FBXO6: variants seen among roughly 807,000 people sequenced by gnomAD.
FBXO6 encodes F-box only protein 6.
In FBXO6, 13 loss-of-function variants were observed where a neutral mutation model predicts 25.0. The ratio of observed to expected loss-of-function variants is 0.52; its 90% CI spans 0.34 to 0.83. FBXO6 has a LOEUF of 0.83. Among genes scored for constraint, FBXO6 ranks in the 40% least tolerant of loss-of-function variants. The pLI, the probability that FBXO6 is intolerant of heterozygous loss-of-function variation, is 0.02. For missense variants in FBXO6, 370 were observed against 380.2 expected, an observed-to-expected ratio of 0.97 and a Z score of 0.22; for synonymous variants, 138 against 155.3, an observed-to-expected ratio of 0.89 and a Z score of 0.83.
In FBXO6 at chr1:11,671,234, G is replaced by A. The variant is rs1422502602; in HGVS notation, c.287-32G>A. The A allele has an allele frequency of 3.1e-6, 5 of 1,606,908 alleles. No homozygotes were observed. In the South Asian group the frequency reaches 4.4e-5, roughly 14 times the overall value. ...GAGGGCTGGACTTTGGATTTACACA[G>A]GGGGTCTCACCTTGGCTTCTGTTCT... On this transcript the variant is annotated intron_variant, in intron 2 of 5. Transcript: ENST00000376753.
In FBXO6 at chr1:11,674,109, C is replaced by T; in HGVS notation, c.*258C>T. On this transcript the variant is annotated 3_prime_UTR_variant, in exon 6 of 6. Transcript: ENST00000376753. The surrounding 1 kb of genome is among the most constrained non-coding windows in gnomAD (Gnocchi z 6.1). ...CACGAGGTCAGGAGATAGAGACCAT[C>T]CTGGCCAACACGGTGAAACCCTGTC... 4.6e-6 allele frequency: 2 copies of T among 430,768 alleles called. No homozygotes were observed. Among genetic ancestry groups the T allele is most frequent in the Non-Finnish European group, 4.4e-6 (1 of 229,466 alleles). The allele number at this position is 430,768 out of a possible 1,614,324, so 26.7% of individuals were successfully genotyped here.
intron 3 of FBXO6, 98 bp from the exon 4 acceptor site, chr1:11,671,830 C>A: frequency 2.7e-6 from 3 of 1,122,344 alleles, no homozygotes; most frequent in Non-Finnish European, 4.0e-6. Flanking sequence ...GGTCCCCAAA[C>A]CACCTCCCTG....
Position 11,671,249 on chromosome 1 carries a change from G to C in FBXO6, c.287-17G>C. On this transcript the variant is annotated splice_polypyrimidine_tract_variant and intron_variant, in intron 2 of 5. Coordinates refer to ENST00000376753, the MANE Select transcript of FBXO6 (RefSeq NM_018438.6). ...GATTTACACAGGGGGTCTCACCTTG[G>C]CTTCTGTTCTTCCTAGAGGATATGT... is the stretch of plus-strand genomic sequence containing the variant. 1 of 1,611,844 alleles carries C rather than the reference G, an allele frequency of 6.2e-7. No individual in the cohort carries two copies. The highest frequency in any genetic ancestry group is 8.5e-7 in the Non-Finnish European group (1 of 1,178,502).
At chr1:11,666,936 CAGG>C (rs1570269066) in intron 1 of FBXO6, among the ~76,000 whole-genome samples, 1 of 152,082 alleles carries the variant, frequency 6.6e-6, no homozygotes, top group African/African-American at 2.4e-5. Context: ...CACCTGAGGT[CAGG>C]AGTTCAAAAC....
In FBXO6 at chr1:11,671,012, AG is replaced by A. The variant is rs1640602312; in HGVS notation, c.287-250del. Among the ~76,000 whole-genome samples, 9 of 152,190 alleles carry A rather than the reference AG, an allele frequency of 5.9e-5. No individual in the cohort carries two copies. The South Asian group carries it at 1.9e-3, about 32-fold the overall frequency. On this transcript the variant is annotated intron_variant, in intron 2 of 5. Coordinates refer to ENST00000376753, the MANE Select transcript of FBXO6 (RefSeq NM_018438.6). ...GGAATGTGTTGGAGGGGTGCTTTGT[AG>A]GGGTGCTCCAAGGTGCAGTTGGGGT...
chr1:11,669,939 G>A (rs1211610059), intron 2 of FBXO6, among the ~76,000 whole-genome samples: 3 of 142,228 alleles, frequency 2.1e-5, no homozygotes, highest in Non-Finnish European at 4.7e-5. Context: ...ACCGCCGGGG[G>A]CGGTGGCTCA....
At chr1:11,668,091 C>A (rs372131015) in intron 1 of FBXO6, among the ~76,000 whole-genome samples, 1,698 of 122,028 alleles carry the variant, frequency 0.014, no homozygotes, top group Admixed American at 0.016. Flanking sequence ...GACTCTGTCT[C>A]AAAAAAAAAA....
Position 11,673,343 on chromosome 1 carries a change from C to T in FBXO6, c.576C>T (p.Tyr192=), listed in dbSNP as rs1289151886. The stretch of plus-strand genomic sequence containing the variant: ...AAGTGCAGCTGGCCTCGGCTGACTA[C>T]TTCGTGTTGGCCTCCTTCGAGCCCC... ...QLKVQLASAD[Y]FVLASFEPPP... The change falls in exon 5 of 6, where the codon TAC becomes TAT. Residue 192 remains tyrosine (Y), a synonymous_variant. Coordinates refer to ENST00000376753, the MANE Select transcript of FBXO6 (RefSeq NM_018438.6). This position sits in a 1 kb window ranked among gnomAD's most constrained non-coding sequence, Gnocchi z 4.3. 4 of 1,614,130 alleles carry T rather than the reference C, an allele frequency of 2.5e-6. No individual in the cohort carries two copies. The highest frequency in any genetic ancestry group is 1.6e-4 in the Middle Eastern group (1 of 6,062).
At chr1:11,670,975 T>A (rs1640600922) in intron 2 of FBXO6, among the ~76,000 whole-genome samples, 2 of 152,044 alleles carry the variant, frequency 1.3e-5, no homozygotes, top group South Asian at 4.1e-4. Context: ...GCTGATATGG[T>A]GAGGACAGTT....
intron 2 of FBXO6, among the ~76,000 whole-genome samples, chr1:11,670,330 C>T (rs1467989462): frequency 6.6e-6 from 1 of 152,108 alleles, no homozygotes; most frequent in Admixed American, 6.5e-5. Context: ...CCTGCACCCA[C>T]CAGGCCCACC....
chr1:11,670,053 A>G (rs998516302), intron 2 of FBXO6, among the ~76,000 whole-genome samples: 3 of 150,476 alleles, frequency 2.0e-5, no homozygotes, highest in African/African-American at 7.3e-5. Flanking sequence ...TCTACTAAAA[A>G]TGTAAAAAAA....
intron 1 of FBXO6, among the ~76,000 whole-genome samples, chr1:11,665,252 T>C (rs1640390045): frequency 9.3e-6 from 1 of 107,734 alleles, no homozygotes; most frequent in African/African-American, 3.8e-5. Flanking sequence ...TGAGACGGAG[T>C]GTCGCTCTGT....
intron 1 of FBXO6, among the ~76,000 whole-genome samples, chr1:11,667,156 G>A (rs1640462788): frequency 6.6e-6 from 1 of 150,654 alleles, no homozygotes; most frequent in Non-Finnish European, 1.5e-5. Context: ...GGGGTGGGGG[G>A]GAAGAAAAAA....
chr1:11,670,056 T>TA (rs1176987179), intron 2 of FBXO6, among the ~76,000 whole-genome samples: 3 of 149,590 alleles, frequency 2.0e-5, no homozygotes, highest in East Asian at 4.1e-4. Flanking sequence ...ACTAAAAATG[T>TA]AAAAAAATTA....
Position 11,673,451 on chromosome 1 carries a change from C to T in FBXO6, c.645+39C>T. 2.5e-6 allele frequency: 4 copies of T among 1,606,264 alleles called. No homozygotes were observed. Among genetic ancestry groups the T allele is most frequent in the Non-Finnish European group, 3.4e-6 (4 of 1,175,026 alleles). On this transcript the variant is annotated intron_variant, in intron 5 of 5. Transcript: ENST00000376753. The surrounding 1 kb of genome is among the most constrained non-coding windows in gnomAD (Gnocchi z 4.3). ...CACTTGCTCTCTCTACCCACTCCTC[C>T]CAGGGCCAGGATGGCAGGAAGCAAA...
Position 11,673,821 on chromosome 1 carries a change from G to T in FBXO6, c.852G>T (p.Ser284=), listed in dbSNP as rs745847520. The stretch of plus-strand genomic sequence containing the variant: ...ATGGACAGGAGGAGGCTGCCCAATC[G>T]CCCTACCGAGCTGTTGTCCAGATTT... The part of the protein sequence containing the change: ...QKHGQEEAAQ[S]PYRAVVQIF Residue 284 remains serine, a synonymous_variant, in exon 6 of 6, where the codon TCG becomes TCT. Coordinates refer to ENST00000376753, the MANE Select transcript of FBXO6 (RefSeq NM_018438.6). The surrounding 1 kb of genome is among the most constrained non-coding windows in gnomAD (Gnocchi z 4.3). 1.2e-6 allele frequency: 2 copies of T among 1,614,074 alleles called. No homozygotes were observed. Among genetic ancestry groups the T allele is most frequent in the Admixed American group, 3.3e-5 (2 of 60,010 alleles).
intron 1 of FBXO6, among the ~76,000 whole-genome samples, chr1:11,666,042 T>C (rs1423601776): frequency 6.2e-5 from 9 of 146,256 alleles, no homozygotes; most frequent in Admixed American, 1.4e-4. Context: ...TTTCTCTTTT[T>C]TTTTTTTTTT....
At chr1:11,669,681 TATATAC>T (rs1260966004) in intron 2 of FBXO6, among the ~76,000 whole-genome samples, 1 of 141,456 alleles carries the variant, frequency 7.1e-6, no homozygotes, top group African/African-American at 2.9e-5. Flanking sequence ...TATGTACACA[TATATAC>T]GTATATATAC....
Position 11,671,940 on chromosome 1 carries a change from G to A in FBXO6, c.426G>A (p.Lys142=). ...CTCTGCTCCCCAGAATGTGCCTCAA[G>A]TCCCAGCTGGTGGACCTTGTAGCCG... ...YFVTSYEMCL[K]SQLVDLVAEG... Residue 142 remains lysine, a synonymous_variant, in exon 4 of 6, where the codon AAG becomes AAA. Transcript: ENST00000376753. 1 of 1,614,192 alleles carries A rather than the reference G, an allele frequency of 6.2e-7. No homozygotes were observed. Among genetic ancestry groups the A allele is most frequent in the Non-Finnish European group, 8.5e-7 (1 of 1,180,010 alleles).
Sources: allele counts gnomAD v4.1 joint callset (sites outside exome capture counted in the v4.1 genomes callset), GRCh38; gene constraint gnomAD v4.1.1; non-coding constraint Gnocchi (gnomAD v3.1); transcripts MANE v1.5; gene names NCBI Gene and HGNC (gene_info 2026-07-23, HGNC 2026-07-21).